Variants in WDR4 observed in about 807,000 individuals in gnomAD.
WDR4 encodes WDR4 tRNA N7-guanosine methyltransferase non-catalytic subunit, also known as tRNA (guanine-N(7)-)-methyltransferase non-catalytic subunit WDR4.
A neutral mutation model predicts 48.6 loss-of-function variants in WDR4; 47 were observed. The observed-to-expected ratio is 0.97, with a 90% CI of 0.77 to 1.23. WDR4 has a LOEUF of 1.23. Ranked by LOEUF, WDR4 falls within the 50% of genes most tolerant of loss-of-function variation. The pLI, the probability that WDR4 is intolerant of heterozygous loss-of-function variation, is 0.00. For synonymous variants in WDR4, 268 were observed against 230.0 expected (o/e 1.17, Z -1.49); for missense variants, 606 against 551.6 (o/e 1.10, Z -0.99).
intron 2 of WDR4, among the ~76,000 whole-genome samples, chr21:42,874,511 A>G (rs914734990): frequency 6.6e-6 from 1 of 152,208 alleles, no homozygotes; most frequent in African/African-American, 2.4e-5. Flanking sequence ...GAACAGAGCC[A>G]TATTTCTCTT....
rs373758825 is a variant in WDR4, at chr21:42,862,321, G to A, written c.527C>T (p.Ala176Val). 1.2e-4 allele frequency: 189 copies of A among 1,611,388 alleles called. No individual in the cohort carries two copies. Among genetic ancestry groups the A allele is most frequent in the Non-Finnish European group, 1.5e-4 (171 of 1,179,192 alleles). ...DEKIRVSWAA[A>V]PHSIESFCLG... ...GCAGAAGGACTCGATGCTATGGGGC[G>A]CCGCGGCCCAGCTGACTCGGATCTT... The change falls in exon 5 of 11, where the codon GCG becomes GTG. Residue 176 changes from alanine to valine, a missense_variant. Transcript: ENST00000398208. The surrounding 1 kb of genome is among the most constrained non-coding windows in gnomAD (Gnocchi z 4.3).
chr21:42,866,924 G>A (rs965464632), intron 3 of WDR4, among the ~76,000 whole-genome samples: 3 of 152,154 alleles, frequency 2.0e-5, no homozygotes, highest in Non-Finnish European at 4.4e-5. Flanking sequence ...ACTAGAGAAA[G>A]GGGAGGCAGC....
At chr21:42,854,133 A>C (rs181104792) in intron 8 of WDR4, among the ~76,000 whole-genome samples, 10 of 152,316 alleles carry the variant, frequency 6.6e-5, no homozygotes, top group Admixed American at 2.6e-4. Flanking sequence ...ACCAAATAGA[A>C]TACCTTTCCT....
intron 5 of WDR4, among the ~76,000 whole-genome samples, chr21:42,861,148 A>G (rs1056330025): frequency 6.6e-6 from 1 of 151,956 alleles, no homozygotes; most frequent in African/African-American, 2.4e-5. Context: ...CGTCTCTACT[A>G]AAAATACAAA....
intron 3 of WDR4, among the ~76,000 whole-genome samples, chr21:42,872,524 T>A (rs1301645765): frequency 6.6e-6 from 1 of 150,960 alleles, no homozygotes; most frequent in East Asian, 2.0e-4. Flanking sequence ...GATGGGAGAA[T>A]TGCTTGAAAC....
At chr21:42,854,656 C>G (rs376553203) in intron 7 of WDR4, 30 bp from the exon 8 acceptor site, 20 of 1,608,190 alleles carry the variant, frequency 1.2e-5, no homozygotes, top group Non-Finnish European at 1.7e-5. Flanking sequence ...ATTAACTTCA[C>G]GCCACCTGCA....
chr21:42,876,672 A>G (rs1271287899), intron 2 of WDR4, 30 bp downstream of exon 2: 29 of 1,603,724 alleles, frequency 1.8e-5, no homozygotes, highest in Non-Finnish European at 2.5e-5. Flanking sequence ...CCATTAAAGC[A>G]GGCCCTGAAA....
upstream of WDR4, among the ~76,000 whole-genome samples, chr21:42,884,227 A>G (rs930132863): frequency 1.3e-5 from 2 of 152,210 alleles, no homozygotes; most frequent in Non-Finnish European, 2.9e-5. Flanking sequence ...ATAATGAATA[A>G]TGGTGTTGTG....
the WDR4 span, among the ~76,000 whole-genome samples, chr21:42,891,254 G>A: frequency 5.9e-5 from 9 of 151,748 alleles, no homozygotes; most frequent in Admixed American, 2.0e-4. Context: ...CCCAGGAGGC[G>A]GAGGTTGCAG....
At chr21:42,879,598 CCCCACGTA>C, upstream of WDR4, 1 of 1,391,430 alleles carries the variant, frequency 7.2e-7, no homozygotes, top group South Asian at 1.2e-5. Context: ...ATGACGTATA[CCCCACGTA>C]CCGCGCATGC....
intron 6 of WDR4, 69 bp downstream of exon 6, chr21:42,859,593 A>AGGT: frequency 7.2e-6 from 4 of 553,760 alleles, no homozygotes; most frequent in Non-Finnish European, 1.2e-5. Context: ...CAGGTCCAGG[A>AGGT]GGCGCCCACC....
At position 42,873,704 on chromosome 21, in the gene WDR4, G is replaced by A. The variant is rs1236656351; in HGVS notation, c.156-13C>T. The A allele has an allele frequency of 6.2e-7, 1 of 1,611,050 alleles. No homozygotes were observed. The highest frequency in any genetic ancestry group is 8.5e-7 in the Non-Finnish European group (1 of 1,178,292). On this transcript the variant is annotated splice_polypyrimidine_tract_variant and intron_variant, in intron 2 of 10. Transcript: ENST00000398208. ...GGGCGCGTCCTCCCTGAGGAAGAGA[G>A]GAGGAAGACGGTTAAGCTTCACCTA...
intron 1 of WDR4, 103 bp downstream of exon 1, chr21:42,879,304 C>T (rs2058577029): frequency 6.5e-7 from 1 of 1,529,464 alleles, no homozygotes; most frequent in South Asian, 1.2e-5. Flanking sequence ...CCGGGGTCAC[C>T]CCAGAGTGGG....
At chr21:42,852,412 C>T in intron 9 of WDR4, 88 bp from the exon 10 acceptor site, 1 of 1,463,500 alleles carries the variant, frequency 6.8e-7, no homozygotes, top group South Asian at 1.2e-5. Flanking sequence ...GCCAGAGAGG[C>T]TTGCAGGGGA....
At chr21:42,863,374 G>A (rs1341235717) in intron 4 of WDR4, 66 bp downstream of exon 4, 13 of 1,541,632 alleles carry the variant, frequency 8.4e-6, no homozygotes, top group South Asian at 1.2e-5. Flanking sequence ...TGCCCCACGT[G>A]CCACGTCCCC....
At chr21:42,886,000 A>G in the WDR4 span, among the ~76,000 whole-genome samples, 1 of 135,862 alleles carries the variant, frequency 7.4e-6, no homozygotes, top group African/African-American at 2.9e-5. Flanking sequence ...TCTGTCACCC[A>G]GGCTGGAGTA....
downstream of WDR4, among the ~76,000 whole-genome samples, chr21:42,849,065 A>G (rs1281892350): frequency 1.7e-5 from 2 of 118,568 alleles, no homozygotes; most frequent in Admixed American, 1.9e-4. Context: ...CGTGCACCAC[A>G]CACACAGCGC....
At chr21:42,887,840 C>G in the WDR4 span, among the ~76,000 whole-genome samples, 1 of 151,978 alleles carries the variant, frequency 6.6e-6, no homozygotes, top group Non-Finnish European at 1.5e-5. Flanking sequence ...ACTGCTTGAG[C>G]CCGGGTAGCA....
chr21:42,856,524 C>T (rs1453715698), intron 6 of WDR4, among the ~76,000 whole-genome samples: 4 of 152,194 alleles, frequency 2.6e-5, no homozygotes, highest in Middle Eastern at 3.4e-3. Flanking sequence ...CCCGCCTCAG[C>T]CTCCGAGTAG....
Sources: allele counts gnomAD v4.1 joint callset (sites outside exome capture counted in the v4.1 genomes callset), GRCh38; gene constraint gnomAD v4.1.1; non-coding constraint Gnocchi (gnomAD v3.1); transcripts MANE v1.5; gene names NCBI Gene and HGNC (gene_info 2026-07-23, HGNC 2026-07-21).